Variants in C12orf42 observed in about 807,000 individuals in gnomAD.
C12orf42 encodes the protein uncharacterized protein C12orf42.
Under a neutral mutation model 21.6 loss-of-function variants are expected in C12orf42, and 25 were observed. The observed-to-expected ratio is 1.16, with a 90% CI of 0.84 to 1.62. The LOEUF (loss-of-function observed/expected upper bound fraction) is 1.62. C12orf42 is among the 40% of genes most tolerant of loss of function. The pLI is 0.00. For synonymous variants in C12orf42, 174 were observed against 175.0 expected (o/e 0.99, Z 0.05); for missense variants, 483 against 459.3 (o/e 1.05, Z -0.47).
At chr12:103,130,079 C>T in the C12orf42 span, among the ~76,000 whole-genome samples, 1 of 152,032 alleles carries the variant, frequency 6.6e-6, no homozygotes, top group Non-Finnish European at 1.5e-5. Context: ...TATGTTGGCA[C>T]CTGGCGTTTT....
the C12orf42 span, among the ~76,000 whole-genome samples, chr12:103,522,001 C>T: frequency 6.6e-5 from 10 of 152,204 alleles, no homozygotes; most frequent in African/African-American, 2.4e-4. Flanking sequence ...TGTGCTGTCT[C>T]CTGGTTGGCA....
the C12orf42 span, among the ~76,000 whole-genome samples, chr12:103,522,652 C>G: frequency 6.6e-6 from 1 of 152,148 alleles, no homozygotes; most frequent in Admixed American, 6.6e-5. Flanking sequence ...GAGACTATTT[C>G]GAGGTATATT....
At chr12:103,085,494 C>A in the C12orf42 span, among the ~76,000 whole-genome samples, 1 of 151,748 alleles carries the variant, frequency 6.6e-6, no homozygotes, top group East Asian at 1.9e-4. Flanking sequence ...ATGCACAATT[C>A]TTTTGAGGAG....
downstream of C12orf42, among the ~76,000 whole-genome samples, chr12:103,234,712 T>A (rs2033416177): frequency 6.6e-6 from 1 of 152,154 alleles, no homozygotes; most frequent in Non-Finnish European, 1.5e-5. Context: ...CTTCTTCTAT[T>A]ATAATGTCTT....
the C12orf42 span, among the ~76,000 whole-genome samples, chr12:103,070,537 CA>C: frequency 0.17 from 26,278 of 151,762 alleles, 2,558 homozygotes; most frequent in Admixed American, 0.24. Context: ...CACACACACA[CA>C]CACACCCGAC....
chr12:103,403,731 C>G (rs1274485068), intron 2 of C12orf42, among the ~76,000 whole-genome samples: 1 of 152,192 alleles, frequency 6.6e-6, no homozygotes, highest in Non-Finnish European at 1.5e-5. Context: ...CGATAATTTG[C>G]GTCTCAGTTC....
chr12:103,065,074 T>A, the C12orf42 span, among the ~76,000 whole-genome samples: 1 of 152,164 alleles, frequency 6.6e-6, no homozygotes. Flanking sequence ...TAAAGCTGCC[T>A]TTACCTAGAA....
At chr12:103,205,502 T>C in the C12orf42 span, among the ~76,000 whole-genome samples, 2 of 152,126 alleles carry the variant, frequency 1.3e-5, no homozygotes, top group Non-Finnish European at 2.9e-5. Context: ...ATGATTCAAT[T>C]ACCTCCTGCT....
At chr12:103,387,009 C>T (rs1593749110) in intron 3 of C12orf42, among the ~76,000 whole-genome samples, 1 of 152,196 alleles carries the variant, frequency 6.6e-6, no homozygotes, top group East Asian at 1.9e-4. Context: ...CAGTGCCTTC[C>T]TACCAGGCTG....
intron 4 of C12orf42, among the ~76,000 whole-genome samples, chr12:103,343,382 AAG>A (rs1212546145): frequency 6.6e-6 from 1 of 152,194 alleles, no homozygotes; most frequent in East Asian, 1.9e-4. Context: ...ACTACAGACA[AAG>A]TTTTTCATTT....
At chr12:103,384,567 C>T (rs973631229) in intron 3 of C12orf42, among the ~76,000 whole-genome samples, 1 of 152,188 alleles carries the variant, frequency 6.6e-6, no homozygotes, top group Admixed American at 6.5e-5. Context: ...ATGGTGGTTT[C>T]TCCCACTCCT....
At chr12:103,407,687 A>C (rs2048527039) in intron 2 of C12orf42, among the ~76,000 whole-genome samples, 1 of 152,198 alleles carries the variant, frequency 6.6e-6, no homozygotes, top group Non-Finnish European at 1.5e-5. Flanking sequence ...GTCAAAAGTT[A>C]TGCATGGATT....
the C12orf42 span, among the ~76,000 whole-genome samples, chr12:103,095,321 CCA>C: frequency 3.3e-5 from 5 of 152,172 alleles, no homozygotes; most frequent in African/African-American, 9.7e-5. Context: ...GCCTCCAGCC[CCA>C]CTTTATCTGC....
rs371328453 is a variant in C12orf42 at position 103,366,528 on chromosome 12, A to G, written c.259+2359T>C. Among the ~76,000 whole-genome samples the G allele has an allele frequency of 3.8e-4, 58 of 152,250 alleles. 1 individual carries two copies. In the South Asian group the frequency reaches 0.012, roughly 32 times the overall value. Reference sequence around the variant, plus strand: ...GAAAAGTCAGCAGAGTAAACAGACAACCCACAGAATGGGAGAAAATCTTCA... The same window carrying G: ...GAAAAGTCAGCAGAGTAAACAGACAGCCCACAGAATGGGAGAAAATCTTCA... On this transcript the variant is annotated intron_variant, in intron 4 of 5. Coordinates refer to ENST00000548883, the MANE Select transcript of C12orf42 (RefSeq NM_198521.5).
chr12:103,394,674 C>T (rs2138534107), intron 3 of C12orf42, among the ~76,000 whole-genome samples: 1 of 152,218 alleles, frequency 6.6e-6, no homozygotes, highest in Non-Finnish European at 1.5e-5. Flanking sequence ...AATAAGGGCT[C>T]CTGAAGAGCA....
the C12orf42 span, among the ~76,000 whole-genome samples, chr12:103,224,934 C>T: frequency 3.3e-5 from 5 of 152,140 alleles, no homozygotes; most frequent in Non-Finnish European, 5.9e-5. Flanking sequence ...TAATCGGACA[C>T]GATCAGCAGG....
exon 5 of C12orf42, chr12:103,277,160 G>A (rs865800619): frequency 4.4e-6 from 2 of 455,284 alleles, no homozygotes; most frequent in African/African-American, 4.0e-5. Context: ...TCTTCAAGGT[G>A]AAGAACCATA....
chr12:103,084,191 A>C, the C12orf42 span, among the ~76,000 whole-genome samples: 1 of 152,156 alleles, frequency 6.6e-6, no homozygotes, highest in African/African-American at 2.4e-5. Context: ...AATTGCTCCT[A>C]TCTGTTCAAT....
intron 2 of C12orf42, among the ~76,000 whole-genome samples, chr12:103,434,913 C>T (rs990952433): frequency 6.6e-6 from 1 of 152,234 alleles, no homozygotes; most frequent in African/African-American, 2.4e-5. Flanking sequence ...CTCAAGGAGG[C>T]CTGCCTGCCT....
Sources: gnomAD v4.1 joint callset for allele counts (sites outside exome capture counted in the v4.1 genomes callset) on GRCh38, gnomAD v4.1.1 for gene constraint, MANE v1.5 for transcripts, NCBI Gene and HGNC (gene_info 2026-07-23, HGNC 2026-07-21) for gene names.